The following IKZF4 variants were observed in gnomAD, a reference collection of about 807,000 sequenced individuals.
IKZF4 encodes zinc finger protein Eos.
In IKZF4, 11 loss-of-function variants were observed where a neutral mutation model predicts 47.7. The ratio of observed to expected loss-of-function variants is 0.23; its 90% confidence interval spans 0.15 to 0.38. IKZF4 has a LOEUF of 0.38. Among genes scored for constraint, IKZF4 ranks in the 10% least tolerant of loss-of-function variants. IKZF4 has a pLI of 1.00. For synonymous variants in IKZF4, 298 were observed against 299.4 expected (o/e 1.00, Z 0.05); for missense variants, 557 against 784.9 (o/e 0.71, Z 3.47).
At chr12:56,008,376 G>A (rs929277259) in intron 1 of IKZF4, among the ~76,000 whole-genome samples, 2 of 152,040 alleles carry the variant, frequency 1.3e-5, no homozygotes, top group African/African-American at 4.8e-5. Flanking sequence ...ACATCCAGAC[G>A]GGAGCTGCAA....
At chr12:56,032,808 G>C in intron 6 of IKZF4, 98 bp downstream of exon 6, 3 of 1,351,004 alleles carry the variant, frequency 2.2e-6, no homozygotes, top group African/African-American at 1.4e-5. Context: ...GAGGGATGAA[G>C]TCTGTGGAAC....
intron 3 of IKZF4, 92 bp from the exon 4 acceptor site, chr12:56,026,689 C>CAAAA (rs531342295): frequency 2.8e-5 from 26 of 932,736 alleles, no homozygotes; most frequent in South Asian, 5.7e-5. Context: ...AATTCCATCT[C>CAAAA]AAAAAAAAAA....
In IKZF4 at chr12:56,034,979, G is replaced by A; in HGVS notation, c.1406G>A (p.Gly469Glu). 1 of 1,561,444 alleles carries A rather than the reference G, an allele frequency of 6.4e-7. No individual in the cohort carries two copies. Among genetic ancestry groups the A allele is most frequent in the East Asian group, 2.3e-5 (1 of 44,332 alleles). ...AGCAACCACGAAGATCGGGTTGCGGGGGTGGTATCCCTCCCTCAGGGTCCC... is the reference window on the plus strand; with the variant it reads ...AGCAACCACGAAGATCGGGTTGCGGAGGTGGTATCCCTCCCTCAGGGTCCC... ...TESNHEDRVA[G>E]VVSLPQGPPP... Residue 469 changes from glycine (G) to glutamate (E), a missense_variant, in exon 8 of 8, where the codon GGG becomes GAG. This residue lies in a region of IKZF4 where 280 missense variants were observed against 314.0 expected (regional missense o/e 0.89). Coordinates refer to ENST00000547167, the MANE Select transcript of IKZF4 (RefSeq NM_022465.4).
intron 1 of IKZF4, among the ~76,000 whole-genome samples, chr12:56,022,448 CTG>C (rs1893185207): frequency 6.6e-6 from 1 of 152,162 alleles, no homozygotes; most frequent in African/African-American, 2.4e-5. Context: ...CTTTGACAGT[CTG>C]GGATTTCTTG....
In IKZF4 at chr12:56,035,204, T is replaced by C. The variant is rs1393622106; in HGVS notation, c.1631T>C (p.Met544Thr). Reference protein sequence around the residue: ...HCRILFLDHVMFTIHMGCHGF... With the variant: ...HCRILFLDHVTFTIHMGCHGF... The stretch of plus-strand genomic sequence containing the variant: ...CGTATCCTCTTCCTGGACCACGTCA[T>C]GTTCACTATCCACATGGGCTGCCAT... The change falls in exon 8 of 8, where the codon ATG becomes ACG. Residue 544 changes from methionine to threonine, a missense_variant. Physicochemically the swap from Met to Thr is moderately conservative, Grantham distance 81. Coordinates refer to ENST00000547167, the MANE Select transcript of IKZF4 (RefSeq NM_022465.4). The surrounding 1 kb of genome is among the most constrained non-coding windows in gnomAD (Gnocchi z 6.1). The C allele has an allele frequency of 6.2e-7, 1 of 1,614,106 alleles. No individual in the cohort carries two copies. Among genetic ancestry groups the C allele is most frequent in the Non-Finnish European group, 8.5e-7 (1 of 1,180,038 alleles).
At position 56,033,392 on chromosome 12, in the gene IKZF4, G is replaced by C. The variant is rs1315443146; in HGVS notation, c.997+71G>C. The C allele has an allele frequency of 2.0e-5, 32 of 1,589,282 alleles. No homozygotes were observed. The East Asian group carries it at 4.1e-4, about 20-fold the overall frequency. Reference sequence around the variant, plus strand: ...AAATAAATCTGAGCTGTGTGGTCTGGAGATTCGGTTTGGGGAAAGAAAGCA... The same window carrying C: ...AAATAAATCTGAGCTGTGTGGTCTGCAGATTCGGTTTGGGGAAAGAAAGCA... On this transcript the variant is annotated intron_variant, in intron 7 of 7. Transcript: ENST00000547167.
intron 1 of IKZF4, 107 bp downstream of exon 1, chr12:56,021,687 G>T (rs1316202678): frequency 5.0e-6 from 5 of 1,005,872 alleles, no homozygotes; most frequent in African/African-American, 4.2e-5. Flanking sequence ...GAGGATGGGG[G>T]CTGTGTGTGT....
In IKZF4 at chr12:56,027,842, C is replaced by T. The variant is rs1894273993; in HGVS notation, c.610C>T (p.Arg204Cys). The stretch of plus-strand genomic sequence containing the variant: ...CTTCACCCAGAAGGGGAACCTGCTG[C>T]GCCACATCAAGCTGCACTCTGGGGA... ...ASFTQKGNLL[R>C]HIKLHSGEKP... is the part of the protein sequence containing the mutation. The change falls in exon 5 of 8, where the codon CGC becomes TGC. Residue 204 changes from arginine (R) to cysteine (C), a missense_variant. This residue lies in a region of IKZF4 where 27 missense variants were observed against 85.4 expected (regional missense o/e 0.32). Coordinates refer to ENST00000547167, the MANE Select transcript of IKZF4 (RefSeq NM_022465.4). 1.2e-6 allele frequency: 2 copies of T among 1,613,154 alleles called. No homozygotes were observed. The highest frequency in any genetic ancestry group is 1.7e-6 in the Non-Finnish European group (2 of 1,179,442).
chr12:56,010,510 G>A (rs1280614107), intron 1 of IKZF4: 1 of 152,096 alleles, frequency 6.6e-6, no homozygotes, highest in African/African-American at 2.4e-5. Flanking sequence ...AGGAGGAAGA[G>A]GATTATTTAT....
chr12:56,026,093 G>A (rs1893935784), intron 3 of IKZF4, among the ~76,000 whole-genome samples: 2 of 151,970 alleles, frequency 1.3e-5, no homozygotes, highest in African/African-American at 4.8e-5. Context: ...ACACCACCAT[G>A]CCCAGCTAAT....
chr12:56,007,579 G>A (rs1447761971), upstream of IKZF4: 3 of 156,566 alleles, frequency 1.9e-5, no homozygotes, highest in Non-Finnish European at 4.2e-5. Context: ...TCCTGGCTCC[G>A]GCCCGGCGAC....
At chr12:56,021,622 G>C in intron 1 of IKZF4, 42 bp downstream of exon 1, 1 of 1,568,292 alleles carries the variant, frequency 6.4e-7, no homozygotes, top group Admixed American at 1.9e-5. Flanking sequence ...GAGGAAGGGG[G>C]GTGCTGGGGC....
intron 2 of IKZF4, among the ~76,000 whole-genome samples, chr12:56,013,745 A>G (rs1024073195): frequency 6.6e-6 from 1 of 152,180 alleles, no homozygotes; most frequent in Non-Finnish European, 1.5e-5. Context: ...ACTTGAGCAA[A>G]GAGTAAAGTA....
chr12:56,024,673 G>A, intron 2 of IKZF4: 2 of 1,066,426 alleles, frequency 1.9e-6, no homozygotes, highest in Non-Finnish European at 2.3e-6. Context: ...TCCTGAACCG[G>A]CTGGGGGCTC....
At chr12:56,027,656 C>T in intron 4 of IKZF4, 124 bp from the exon 5 acceptor site, 1 of 926,040 alleles carries the variant, frequency 1.1e-6, no homozygotes, top group Non-Finnish European at 1.7e-6. Context: ...CATTGCACTT[C>T]TGCCCGTCAG....
chr12:56,033,438 T>A, intron 7 of IKZF4, 117 bp downstream of exon 7: 5 of 1,303,438 alleles, frequency 3.8e-6, no homozygotes, highest in Non-Finnish European at 4.3e-6. Flanking sequence ...CTGGGTGCAG[T>A]GGCTCACGTC....
chr12:56,012,429 C>T (rs767049739), intron 2 of IKZF4, among the ~76,000 whole-genome samples: 1 of 152,038 alleles, frequency 6.6e-6, no homozygotes, highest in Non-Finnish European at 1.5e-5. Flanking sequence ...CATGAACCAC[C>T]ACCCCTGGCT....
At chr12:56,022,061 A>G (rs1893105407) in intron 1 of IKZF4, among the ~76,000 whole-genome samples, 4 of 152,110 alleles carry the variant, frequency 2.6e-5, no homozygotes, top group Admixed American at 2.6e-4. Context: ...CCCTGCTAGC[A>G]GGCTAGGATC....
chr12:56,033,356 A>G, intron 7 of IKZF4, 35 bp downstream of exon 7: 1 of 1,612,468 alleles, frequency 6.2e-7, no homozygotes, highest in Non-Finnish European at 8.5e-7. Context: ...ATCAGCTTTA[A>G]GCCACAGCTC....
Sources: allele counts gnomAD v4.1 joint callset (sites outside exome capture counted in the v4.1 genomes callset), GRCh38; gene constraint gnomAD v4.1.1; regional missense constraint gnomAD v4.1.1; non-coding constraint Gnocchi (gnomAD v3.1); transcripts MANE v1.5; gene names NCBI Gene and HGNC (gene_info 2026-07-23, HGNC 2026-07-21).